The following SYTL3 variants were observed in gnomAD, a reference collection of about 807,000 sequenced individuals.
SYTL3 encodes synaptotagmin-like protein 3.
A neutral mutation model predicts 82.1 loss-of-function variants in SYTL3; 88 were observed. The observed-to-expected ratio is 1.07, with a 90% CI of 0.90 to 1.28. The LOEUF (loss-of-function observed/expected upper bound fraction) is 1.28. SYTL3 is among the 50% of genes most tolerant of loss of function. The pLI is 0.00. For synonymous variants in SYTL3, 311 were observed against 289.4 expected, an observed-to-expected ratio of 1.07 and a Z score of -0.76; for missense variants, 831 against 757.6, an observed-to-expected ratio of 1.10 and a Z score of -1.14.
intron 8 of SYTL3, among the ~76,000 whole-genome samples, chr6:158,712,907 C>A (rs371446841): frequency 6.6e-6 from 1 of 151,848 alleles, no homozygotes; most frequent in Non-Finnish European, 1.5e-5. Context: ...TACAGGTGCC[C>A]GCCACCTTGC....
At chr6:158,761,229 G>A (rs527302278) in intron 15 of SYTL3, among the ~76,000 whole-genome samples, 16 of 151,610 alleles carry the variant, frequency 1.1e-4, no homozygotes, top group South Asian at 2.1e-4. Context: ...CTTCAATAAC[G>A]TGGGGCGTGT....
At chr6:158,648,213 A>C (rs1232453687), upstream of SYTL3, among the ~76,000 whole-genome samples, 1 of 152,034 alleles carries the variant, frequency 6.6e-6, no homozygotes, top group Non-Finnish European at 1.5e-5. Context: ...GAATCGCTTG[A>C]ACCCAGGAGG....
chr6:158,737,584 G>A (rs1319972101), intron 11 of SYTL3, among the ~76,000 whole-genome samples: 1 of 152,158 alleles, frequency 6.6e-6, no homozygotes, highest in East Asian at 1.9e-4. Flanking sequence ...CCCAGACTGT[G>A]CCAATGGCTT....
chr6:158,653,751 C>T (rs528936884), intron 2 of SYTL3, among the ~76,000 whole-genome samples: 4 of 152,190 alleles, frequency 2.6e-5, no homozygotes, highest in African/African-American at 9.7e-5. Flanking sequence ...CTGTAGTCTT[C>T]CCTTGAAAGC....
At chr6:158,703,502 A>T (rs1583297138) in intron 6 of SYTL3, among the ~76,000 whole-genome samples, 1 of 152,248 alleles carries the variant, frequency 6.6e-6, no homozygotes, top group East Asian at 1.9e-4. Flanking sequence ...GGGCTCTTTA[A>T]GGAAGCTTCT....
At chr6:158,674,108 A>ATAG (rs1777740876) in intron 5 of SYTL3, among the ~76,000 whole-genome samples, 1 of 127,714 alleles carries the variant, frequency 7.8e-6, no homozygotes, top group Non-Finnish European at 1.7e-5. Flanking sequence ...AATAATAATA[A>ATAG]TAATAATAAT....
rs1583149086 is a variant in SYTL3 at position 158,663,123 on chromosome 6, A to G, written c.-146A>G. 1 of 644,702 alleles carries G rather than the reference A, an allele frequency of 1.6e-6. No homozygotes were observed. Among genetic ancestry groups the G allele is most frequent in the Non-Finnish European group, 2.7e-6 (1 of 370,088 alleles). 39.9% of individuals were successfully genotyped at this position (644,702 alleles called of 1,614,324 possible). A position where few individuals can be genotyped will look rare whatever the true frequency, so the allele number is the denominator to read the frequency against. On this transcript the variant is annotated 5_prime_UTR_variant, in exon 4 of 18. Transcript: ENST00000611299. ...AGTTAAAAAGGAAAAAAGAACCACA[A>G]GCAAAACAGTTGCCAGTGAAATAGG...
chr6:158,657,213 G>T (rs1788782463), intron 2 of SYTL3, among the ~76,000 whole-genome samples: 1 of 152,032 alleles, frequency 6.6e-6, no homozygotes, highest in Admixed American at 6.6e-5. Context: ...ATCAACTGAG[G>T]TCAGGAGTTC....
At chr6:158,730,273 CG>C (rs1785234930) in intron 11 of SYTL3, among the ~76,000 whole-genome samples, 1 of 152,218 alleles carries the variant, frequency 6.6e-6, no homozygotes, top group South Asian at 2.1e-4. Flanking sequence ...AACACAGCAG[CG>C]GGGACAAGCT....
intron 13 of SYTL3, among the ~76,000 whole-genome samples, chr6:158,753,085 T>C (rs1438155939): frequency 2.7e-5 from 4 of 147,162 alleles, no homozygotes; most frequent in Non-Finnish European, 3.0e-5. Context: ...TTCTTTTTTT[T>C]TTTTTTTTTT....
At chr6:158,673,931 A>G (rs1777697652) in intron 5 of SYTL3, among the ~76,000 whole-genome samples, 1 of 150,954 alleles carries the variant, frequency 6.6e-6, no homozygotes, top group Admixed American at 6.6e-5. Context: ...TAAAAATACA[A>G]AAATTAGTTG....
At position 158,683,514 on chromosome 6, in the gene SYTL3, C is replaced by T. The variant is rs780676998; in HGVS notation, c.394+525C>T. Among the ~76,000 whole-genome samples the T allele has an allele frequency of 1.1e-4, 16 of 152,154 alleles. No individual in the cohort carries two copies. In the South Asian group the frequency reaches 1.2e-3, roughly 12 times the overall value. The stretch of plus-strand genomic sequence containing the variant: ...GATTACAGGCGTGAGCCACTGGGCC[C>T]GGCCAGGTTGGCCCCATTCTTTAAG... On this transcript the variant is annotated intron_variant, in intron 6 of 17. Coordinates refer to ENST00000611299, the MANE Select transcript of SYTL3 (RefSeq NM_001242394.2).
chr6:158,690,319 C>T (rs775059985), intron 6 of SYTL3, among the ~76,000 whole-genome samples: 6 of 152,238 alleles, frequency 3.9e-5, no homozygotes, highest in Non-Finnish European at 7.3e-5. Context: ...TGTCAGTGCC[C>T]AGCACTGAGT....
At chr6:158,731,546 ATCTC>A (rs747347314) in intron 11 of SYTL3, among the ~76,000 whole-genome samples, 2 of 151,926 alleles carry the variant, frequency 1.3e-5, no homozygotes, top group South Asian at 4.2e-4. Context: ...TTCCAAAGTT[ATCTC>A]TCTTTTTCTT....
At chr6:158,707,376 G>T in intron 7 of SYTL3, 95 bp downstream of exon 7, 7 of 974,664 alleles carry the variant, frequency 7.2e-6, no homozygotes, top group South Asian at 3.2e-5. Context: ...ACTTTCACAT[G>T]TCACTGCTTT....
chr6:158,738,949 C>T (rs1583435847), intron 11 of SYTL3, among the ~76,000 whole-genome samples: 1 of 152,336 alleles, frequency 6.6e-6, no homozygotes, highest in East Asian at 1.9e-4. Flanking sequence ...TGAGCCACTG[C>T]ACCTAGCCCC....
rs34593490 is a variant in SYTL3, at chr6:158,689,651, C to CTTTT, written c.394+6673_394+6676dup. 1.5e-4 allele frequency among the ~76,000 whole-genome samples: 22 copies of CTTTT among 144,822 alleles called. No individual in the cohort carries two copies. In the South Asian group the frequency reaches 4.4e-3, roughly 29 times the overall value. The stretch of plus-strand genomic sequence containing the variant: ...TAATTTTCTTCTAATTTTTACTTAA[C>CTTTT]TTTTTTTTTTTTTTCCCCTTGAGAC... On this transcript the variant is annotated intron_variant, in intron 6 of 17. Transcript: ENST00000611299.
intron 6 of SYTL3, among the ~76,000 whole-genome samples, chr6:158,693,850 C>CTTTTTTTTTTTTTTTT (rs1357595960): frequency 5.1e-5 from 3 of 58,438 alleles, no homozygotes; most frequent in Non-Finnish European, 9.3e-5. Flanking sequence ...CTTTCTTTTT[C>CTTTTTTTTTTTTTTTT]TTTTCTTTTT....
intron 6 of SYTL3, 76 bp from the exon 7 acceptor site, chr6:158,707,154 A>C: frequency 7.2e-7 from 1 of 1,385,766 alleles, no homozygotes; most frequent in Non-Finnish European, 1.0e-6. Context: ...AATAATTTTA[A>C]TCTACTATTT....
Sources: gnomAD v4.1 joint callset for allele counts (sites outside exome capture counted in the v4.1 genomes callset) on GRCh38, gnomAD v4.1.1 for gene constraint, MANE v1.5 for transcripts, NCBI Gene and HGNC (gene_info 2026-07-23, HGNC 2026-07-21) for gene names.